The following AFTPH variants were observed in gnomAD, a reference collection of about 807,000 sequenced individuals.
The protein encoded by AFTPH is aftiphilin, also known as aftiphilin protein.
Under a neutral mutation model 72.5 loss-of-function variants are expected in AFTPH, and 7 were observed. The ratio of observed to expected loss-of-function variants is 0.10; its 90% confidence interval spans 0.05 to 0.18. The LOEUF (loss-of-function observed/expected upper bound fraction) is 0.18. AFTPH is among the 10% of genes least tolerant of loss of function. The pLI is 1.00. For synonymous variants in AFTPH, 337 were observed against 370.1 expected, an observed-to-expected ratio of 0.91 and a Z score of 1.03; for missense variants, 979 against 1,060.5, an observed-to-expected ratio of 0.92 and a Z score of 1.07.
exon 2 of AFTPH, chr2:64,552,467 G>T: frequency 1.9e-6 from 3 of 1,614,048 alleles, no homozygotes; most frequent in Non-Finnish European, 2.5e-6. Context: ...CAGGTGTTCA[G>T]TCAAAGGCTT....
At chr2:64,592,484 C>T (rs1291484392) in exon 9 of AFTPH, 1 of 152,396 alleles carries the variant, frequency 6.6e-6, no homozygotes, top group Non-Finnish European at 1.5e-5. Context: ...CCAAAGTCCC[C>T]CATTTAATTT....
intron 1 of AFTPH, among the ~76,000 whole-genome samples, chr2:64,543,643 A>G (rs1433129137): frequency 6.6e-6 from 1 of 152,164 alleles, no homozygotes; most frequent in East Asian, 1.9e-4. Context: ...TTTCCCCACC[A>G]CACTGCAGTG....
At chr2:64,534,833 A>G (rs894497203) in intron 1 of AFTPH, among the ~76,000 whole-genome samples, 1 of 152,116 alleles carries the variant, frequency 6.6e-6, no homozygotes, top group Non-Finnish European at 1.5e-5. Context: ...ATGATTTCAT[A>G]AACTTTCTGG....
chr2:64,584,831 T>C (rs1278882666), intron 7 of AFTPH, among the ~76,000 whole-genome samples: 13 of 152,204 alleles, frequency 8.5e-5, no homozygotes, highest in African/African-American at 2.2e-4. Flanking sequence ...CTCCTGACTT[T>C]GTGATCTGCC....
intron 8 of AFTPH, among the ~76,000 whole-genome samples, chr2:64,588,463 G>C (rs1323237960): frequency 6.6e-6 from 1 of 152,010 alleles, no homozygotes; most frequent in East Asian, 1.9e-4. Context: ...GGAATTTCTG[G>C]GTCTTATAGG....
At chr2:64,582,786 G>A (rs1673287204) in intron 7 of AFTPH, among the ~76,000 whole-genome samples, 1 of 152,052 alleles carries the variant, frequency 6.6e-6, no homozygotes, top group African/African-American at 2.4e-5. Context: ...TAAAAACCTG[G>A]TTTAAATTTA....
intron 8 of AFTPH, among the ~76,000 whole-genome samples, chr2:64,587,585 TA>T (rs1477930160): frequency 6.6e-6 from 1 of 152,196 alleles, no homozygotes; most frequent in Non-Finnish European, 1.5e-5. Flanking sequence ...AAGCAGAAGA[TA>T]AAGTGAAAAG....
At chr2:64,548,731 A>G (rs570671281) in intron 1 of AFTPH, among the ~76,000 whole-genome samples, 3 of 152,318 alleles carry the variant, frequency 2.0e-5, no homozygotes, top group African/African-American at 7.2e-5. Context: ...TACCTCGTAC[A>G]CTAATTAGAA....
chr2:64,548,004 CT>C (rs1670754204), intron 1 of AFTPH, among the ~76,000 whole-genome samples: 1 of 151,760 alleles, frequency 6.6e-6, no homozygotes, highest in African/African-American at 2.4e-5. Context: ...CAAGGCTGGT[CT>C]TGATCGAACT....
At chr2:64,578,677 C>T (rs1301729982) in intron 6 of AFTPH, among the ~76,000 whole-genome samples, 3 of 152,046 alleles carry the variant, frequency 2.0e-5, no homozygotes, top group African/African-American at 7.2e-5. Context: ...CCTGCCTCAG[C>T]CTCCCAAGTA....
chr2:64,556,194 G>A (rs970099909), intron 2 of AFTPH, among the ~76,000 whole-genome samples: 1 of 152,016 alleles, frequency 6.6e-6, no homozygotes, highest in Non-Finnish European at 1.5e-5. Flanking sequence ...CACCATATTG[G>A]CCAGGCTGGT....
intron 7 of AFTPH, 42 bp from the exon 8 acceptor site, chr2:64,581,148 C>A: frequency 6.7e-7 from 1 of 1,500,302 alleles, no homozygotes; most frequent in South Asian, 1.2e-5. Flanking sequence ...CTTGGCTTAC[C>A]TTCTGTGTGG....
At chr2:64,553,463 C>CTAAT (rs1671172214) in intron 2 of AFTPH, 54 bp downstream of exon 2, 1 of 1,486,128 alleles carries the variant, frequency 6.7e-7, no homozygotes, top group Non-Finnish European at 8.9e-7. Context: ...GTGGAGGCTT[C>CTAAT]TAATTTCAGC....
intron 2 of AFTPH, among the ~76,000 whole-genome samples, chr2:64,565,217 C>T (rs1671996067): frequency 6.6e-6 from 1 of 151,934 alleles, no homozygotes. Flanking sequence ...GTGGCTCACA[C>T]CTGTAACCCC....
chr2:64,563,914 A>G (rs1573000506), intron 2 of AFTPH, among the ~76,000 whole-genome samples: 3 of 152,188 alleles, frequency 2.0e-5, no homozygotes, highest in Admixed American at 1.3e-4. Flanking sequence ...CTGAGAAGCA[A>G]AGTATTCTTA....
chr2:64,548,407 G>GAAAAAAAAAAAAAAAAAAAAAAAA (rs57995634), intron 1 of AFTPH, among the ~76,000 whole-genome samples: 2 of 59,970 alleles, frequency 3.3e-5, no homozygotes, highest in African/African-American at 6.1e-5. Flanking sequence ...CTCAAAAAAA[G>GAAAAAAAAAAAAAAAAAAAAAAAA]AAAAAAAAAA....
chr2:64,565,871 A>G (rs567709590), intron 2 of AFTPH, among the ~76,000 whole-genome samples: 1 of 152,318 alleles, frequency 6.6e-6, no homozygotes, highest in Admixed American at 6.5e-5. Context: ...CCTCAGCTTC[A>G]TTCCACTCAT....
Position 64,553,495 on chromosome 2 carries a change from A to G in AFTPH, c.1935+86A>G, listed in dbSNP as rs1018206616. 1.5e-5 allele frequency: 21 copies of G among 1,404,494 alleles called. No homozygotes were observed. In the Admixed American group the frequency reaches 3.2e-4, roughly 22 times the overall value. 87.0% of individuals were successfully genotyped at this position (1,404,494 alleles called of 1,614,324 possible). On this transcript the variant is annotated intron_variant, in intron 2 of 8. Transcript: ENST00000238856. Reference sequence around the variant, plus strand: ...CAGCTTTTCAAAAAATATTTTTTCAACTGAGTACTTGTTAAAGGAGTCTCG... The same window carrying G: ...CAGCTTTTCAAAAAATATTTTTTCAGCTGAGTACTTGTTAAAGGAGTCTCG...
intron 2 of AFTPH, 133 bp from the exon 3 acceptor site, chr2:64,567,429 C>T: frequency 2.4e-6 from 2 of 835,400 alleles, no homozygotes; most frequent in Non-Finnish European, 3.6e-6. Flanking sequence ...TCTTTTCACT[C>T]AGTGTTTTCT....
Sources: allele counts gnomAD v4.1 joint callset (sites outside exome capture counted in the v4.1 genomes callset), GRCh38; gene constraint gnomAD v4.1.1; transcripts MANE v1.5; gene names NCBI Gene and HGNC (gene_info 2026-07-23, HGNC 2026-07-21).